The following SLC13A3 variants were observed in gnomAD, a reference collection of about 807,000 sequenced individuals.
SLC13A3 encodes solute carrier family 13 member 3.
Under a neutral mutation model 59.0 loss-of-function variants are expected in SLC13A3, and 40 were observed. The ratio of observed to expected loss-of-function variants is 0.68; its 90% CI spans 0.53 to 0.88. SLC13A3 has a LOEUF of 0.88. Among genes scored for constraint, SLC13A3 ranks in the 40% least tolerant of loss-of-function variants. SLC13A3 has a pLI of 0.00. For synonymous variants in SLC13A3, 317 were observed against 330.3 expected (o/e 0.96, Z 0.44); for missense variants, 699 against 783.2 (o/e 0.89, Z 1.28).
At chr20:46,633,947 C>G (rs1213250301) in intron 1 of SLC13A3, among the ~76,000 whole-genome samples, 1 of 152,204 alleles carries the variant, frequency 6.6e-6, no homozygotes, top group Non-Finnish European at 1.5e-5. Context: ...ACTTCTCTGC[C>G]CATGTGTGTA....
intron 7 of SLC13A3, among the ~76,000 whole-genome samples, chr20:46,588,701 A>G (rs2062220772): frequency 6.6e-6 from 1 of 152,040 alleles, no homozygotes; most frequent in African/African-American, 2.4e-5. Flanking sequence ...TACCCAATGT[A>G]CCCATTTCAC....
At chr20:46,643,419 C>T (rs189860728) in intron 1 of SLC13A3, among the ~76,000 whole-genome samples, 3 of 152,150 alleles carry the variant, frequency 2.0e-5, no homozygotes, top group Admixed American at 6.5e-5. Flanking sequence ...GCAAGACTTG[C>T]GGACATCTGG....
chr20:46,618,372 T>C (rs1010504360), intron 1 of SLC13A3, among the ~76,000 whole-genome samples: 3 of 152,058 alleles, frequency 2.0e-5, no homozygotes, highest in Non-Finnish European at 2.9e-5. Flanking sequence ...GGAGCAAAGG[T>C]GAAAGGCAGC....
chr20:46,678,120 G>A (rs956330984), intron 1 of SLC13A3, among the ~76,000 whole-genome samples: 2 of 152,228 alleles, frequency 1.3e-5, no homozygotes, highest in African/African-American at 4.8e-5. Context: ...GCCCAGGGAA[G>A]TCTAGAATTT....
intron 1 of SLC13A3, among the ~76,000 whole-genome samples, chr20:46,665,282 A>G (rs1160996833): frequency 6.6e-6 from 1 of 151,766 alleles, no homozygotes; most frequent in East Asian, 1.9e-4. Context: ...AAAAAAAAGT[A>G]TGTGTAATGT....
At chr20:46,680,692 C>T (rs1300379490) in intron 1 of SLC13A3, among the ~76,000 whole-genome samples, 2 of 152,238 alleles carry the variant, frequency 1.3e-5, no homozygotes, top group Non-Finnish European at 2.9e-5. Context: ...GCAGAGCTCC[C>T]GCAGAATTGA....
chr20:46,614,162 C>T (rs1372625525), intron 1 of SLC13A3, among the ~76,000 whole-genome samples: 2 of 152,144 alleles, frequency 1.3e-5, no homozygotes, highest in Non-Finnish European at 2.9e-5. Flanking sequence ...CCACTGTGGA[C>T]ACCTGGATCT....
At chr20:46,681,750 G>A (rs2063154809) in intron 1 of SLC13A3, 1 of 152,208 alleles carries the variant, frequency 6.6e-6, no homozygotes, top group African/African-American at 2.4e-5. Context: ...ATCTGGTGGG[G>A]GCACAGCCTT....
intron 7 of SLC13A3, 81 bp downstream of exon 7, chr20:46,589,079 G>T (rs2062225308): frequency 8.0e-7 from 1 of 1,254,856 alleles, no homozygotes; most frequent in Non-Finnish European, 1.1e-6. Context: ...CAGCCCCCAT[G>T]GGCCCAAGGC....
At chr20:46,562,581 TCTG>T (rs1401133018) in intron 12 of SLC13A3, among the ~76,000 whole-genome samples, 1 of 152,162 alleles carries the variant, frequency 6.6e-6, no homozygotes, top group African/African-American at 2.4e-5. Flanking sequence ...TTTAGGAAAA[TCTG>T]CTGAACTTGT....
chr20:46,577,450 A>G (rs2056013928), intron 9 of SLC13A3, among the ~76,000 whole-genome samples: 1 of 152,224 alleles, frequency 6.6e-6, no homozygotes, highest in African/African-American at 2.4e-5. Context: ...CCTTCAGATG[A>G]TAAAATGTCG....
chr20:46,683,433 A>G (rs1172005595), intron 1 of SLC13A3, among the ~76,000 whole-genome samples: 1 of 152,134 alleles, frequency 6.6e-6, no homozygotes, highest in Non-Finnish European at 1.5e-5. Flanking sequence ...AATGGGCAAC[A>G]TGGCACAGCT....
Position 46,566,327 on chromosome 20 carries a change from G to A in SLC13A3, c.1396C>T (p.Leu466=), listed in dbSNP as rs994554503. Residue 466 remains leucine (L), a synonymous_variant, in exon 11 of 13, where the codon CTG becomes TTG. Coordinates refer to ENST00000279027, the MANE Select transcript of SLC13A3 (RefSeq NM_022829.6). ...ACCACAGTGATGAGCAGCACAGCCAGGGCGGGGGGCACATTCTCCAGGGGG... is the reference window on the plus strand; with the variant it reads ...ACCACAGTGATGAGCAGCACAGCCAAGGCGGGGGGCACATTCTCCAGGGGG... ...LHPLENVPPA[L]AVLLITVVIA... is the part of the protein sequence containing the mutation. 4 of 1,613,048 alleles carry A rather than the reference G, an allele frequency of 2.5e-6. No individual in the cohort carries two copies. The highest frequency in any genetic ancestry group is 3.4e-6 in the Non-Finnish European group (4 of 1,179,152).
chr20:46,601,873 G>A (rs1488369414), intron 3 of SLC13A3, among the ~76,000 whole-genome samples: 1 of 152,126 alleles, frequency 6.6e-6, no homozygotes, highest in African/African-American at 2.4e-5. Context: ...GTAAGAGGAG[G>A]CAAGGTAAGA....
intron 1 of SLC13A3, among the ~76,000 whole-genome samples, chr20:46,630,275 A>G (rs987243936): frequency 5.3e-5 from 8 of 152,220 alleles, no homozygotes; most frequent in African/African-American, 1.9e-4. Context: ...TCTCTCTCCC[A>G]TGTGCCATTC....
At chr20:46,585,727 T>C in intron 8 of SLC13A3, 3 of 1,298,964 alleles carry the variant, frequency 2.3e-6, no homozygotes, top group Non-Finnish European at 3.0e-6. Context: ...GAAATGCTTA[T>C]AATGCCCATT....
chr20:46,592,982 G>C (rs77960459), intron 5 of SLC13A3, among the ~76,000 whole-genome samples: 1 of 152,244 alleles, frequency 6.6e-6, no homozygotes, highest in Non-Finnish European at 1.5e-5. Context: ...TTTAATGAAT[G>C]TGGGAGTCAC....
chr20:46,664,270 T>C (rs1197183772), intron 1 of SLC13A3, among the ~76,000 whole-genome samples: 1 of 152,174 alleles, frequency 6.6e-6, no homozygotes, highest in Non-Finnish European at 1.5e-5. Flanking sequence ...ACCTGGGAAA[T>C]GTGAACTGGC....
rs569688948 is a variant in SLC13A3, at chr20:46,599,559, C to T, written c.608+412G>A. On this transcript the variant is annotated intron_variant, in intron 4 of 12. Coordinates refer to ENST00000279027, the MANE Select transcript of SLC13A3 (RefSeq NM_022829.6). ...CGATTTCAACATCAATGTGAAGATG[C>T]TTTGTAAGTCATGTAGGGTGAAGGG... Among the ~76,000 whole-genome samples, 3 of 152,254 alleles carry T rather than the reference C, an allele frequency of 2.0e-5. No individual in the cohort carries two copies. In the South Asian group the frequency reaches 6.2e-4, roughly 32 times the overall value.
Sources: gnomAD v4.1 joint callset for allele counts (sites outside exome capture counted in the v4.1 genomes callset) on GRCh38, gnomAD v4.1.1 for gene constraint, MANE v1.5 for transcripts, NCBI Gene and HGNC (gene_info 2026-07-23, HGNC 2026-07-21) for gene names.